The following USP39 variants were observed in gnomAD, a reference collection of about 807,000 sequenced individuals.
USP39 encodes the protein ubiquitin carboxyl-terminal hydrolase 39.
In USP39, 38 loss-of-function variants were observed where a neutral mutation model predicts 66.4. The ratio of observed to expected loss-of-function variants is 0.57; its 90% CI spans 0.44 to 0.75. The LOEUF is 0.75. Among genes scored for constraint, USP39 ranks in the 30% least tolerant of loss-of-function variants. The pLI is 0.00. For synonymous variants in USP39, 303 were observed against 274.6 expected (o/e 1.10, Z -1.02); for missense variants, 608 against 714.4 (o/e 0.85, Z 1.70).
rs1380872369 is a variant in USP39 at position 85,606,722 on chromosome 2, A to G, written n.226+3641A>G. The G allele has an allele frequency of 2.6e-5, 4 of 152,164 alleles. No individual in the cohort carries two copies. The East Asian group carries it at 7.7e-4, about 29-fold the overall frequency. The allele number at this position is 152,164 out of a possible 1,614,324, so 9.4% of individuals were successfully genotyped here. On this transcript the variant is annotated intron_variant and non_coding_transcript_variant, in intron 1 of 12. Transcript: ENST00000459775. ...CCCGGTCTTTGTGAGGATTACCACA[A>G]CAAACACTTAAAAGGATACAACAGG...
rs1305288756 is a variant in USP39, at chr2:85,648,006, C to T, written c.1640C>T (p.Ala547Val). 6.2e-7 allele frequency: 1 copy of T among 1,613,990 alleles called. No individual in the cohort carries two copies. Among genetic ancestry groups the T allele is most frequent in the Non-Finnish European group, 8.5e-7 (1 of 1,180,034 alleles). Residue 547 changes from alanine (A) to valine (V), a missense_variant, in exon 12 of 13, where the codon GCT (alanine) becomes GTT (valine). Ala to Val is a moderately conservative substitution (Grantham distance 64, BLOSUM62 0). Coordinates refer to ENST00000323701, the MANE Select transcript of USP39 (RefSeq NM_006590.4). ...CCCCAGATGATCACACTGTCAGAGG[C>T]TTACATTCAGGTGGGTTGGCCACAG... is the stretch of plus-strand genomic sequence containing the variant. Reference protein sequence around the residue: ...ILPQMITLSEAYIQIWKRRDN... With the variant: ...ILPQMITLSEVYIQIWKRRDN...
chr2:85,626,018 G>T (rs903552420), intron 5 of USP39, among the ~76,000 whole-genome samples: 1 of 141,858 alleles, frequency 7.0e-6, no homozygotes, highest in Non-Finnish European at 1.5e-5. Flanking sequence ...TCTGTTTCAA[G>T]AAAAAAAAAA....
chr2:85,609,694 T>G (rs1673380794), upstream of USP39: 2 of 1,423,820 alleles, frequency 1.4e-6, no homozygotes, highest in African/African-American at 2.9e-5. Context: ...CAGTCTTCTT[T>G]TTTTTGAGAC....
intron 10 of USP39, among the ~76,000 whole-genome samples, chr2:85,644,261 G>A (rs946044970): frequency 6.6e-5 from 10 of 152,124 alleles, no homozygotes; most frequent in Admixed American, 2.0e-4. Context: ...TAGCACATCA[G>A]ACAACTTTTA....
upstream of USP39, among the ~76,000 whole-genome samples, chr2:85,613,590 A>G (rs1311189480): frequency 6.6e-6 from 1 of 152,224 alleles, no homozygotes; most frequent in African/African-American, 2.4e-5. Context: ...CTGTAGCTCA[A>G]CAACATGGAT....
intron 8 of USP39, among the ~76,000 whole-genome samples, chr2:85,638,197 T>C (rs1407089371): frequency 1.3e-5 from 2 of 151,720 alleles, no homozygotes; most frequent in African/African-American, 4.8e-5. Context: ...AATTTTTCTA[T>C]TTTTAGTAGA....
upstream of USP39, chr2:85,609,704 C>T (rs1244366489): frequency 1.9e-5 from 26 of 1,333,696 alleles, no homozygotes; most frequent in Non-Finnish European, 2.3e-5. Context: ...TTTTTTGAGA[C>T]GAAGTCTCAC....
upstream of USP39, among the ~76,000 whole-genome samples, chr2:85,613,775 T>A (rs1046568372): frequency 2.0e-5 from 3 of 151,998 alleles, no homozygotes; most frequent in Non-Finnish European, 2.9e-5. Flanking sequence ...TCTTTAAATT[T>A]TTTTTTATTT....
At chr2:85,616,049 C>T (rs991710682), upstream of USP39, 2 of 1,291,822 alleles carry the variant, frequency 1.5e-6, no homozygotes, top group African/African-American at 1.5e-5. Context: ...AACAGCACCG[C>T]CCACAAATTT....
rs752588165 is a variant in USP39, at chr2:85,647,919, A to G, written c.1564-11A>G. 1 of 1,613,960 alleles carries G rather than the reference A, an allele frequency of 6.2e-7. No homozygotes were observed. Among genetic ancestry groups the G allele is most frequent in the Non-Finnish European group, 8.5e-7 (1 of 1,179,928 alleles). ...AGAGCAGACTAACCCAGCTCTTCATACTTTCTGCAGGGGACAGGCAAATGG... is the reference window on the plus strand; with the variant it reads ...AGAGCAGACTAACCCAGCTCTTCATGCTTTCTGCAGGGGACAGGCAAATGG... On this transcript the variant is annotated splice_polypyrimidine_tract_variant and intron_variant, in intron 11 of 12. Transcript: ENST00000323701.
intron 10 of USP39, among the ~76,000 whole-genome samples, 183 bp downstream of exon 10, chr2:85,641,301 G>A (rs1573445426): frequency 1.3e-5 from 2 of 152,336 alleles, no homozygotes; most frequent in African/African-American, 4.8e-5. Flanking sequence ...AAAGATTGAT[G>A]TTTATTGGGA....
At chr2:85,612,427 C>G (rs1673625760), upstream of USP39, 3 of 1,436,614 alleles carry the variant, frequency 2.1e-6, no homozygotes, top group Non-Finnish European at 9.5e-7. Flanking sequence ...GCTGCCACTT[C>G]TCAGTTTCCT....
At chr2:85,611,834 C>A, upstream of USP39, 3 of 1,605,788 alleles carry the variant, frequency 1.9e-6, no homozygotes, top group Non-Finnish European at 2.5e-6. Flanking sequence ...CGGGCCAGGC[C>A]AGGCCAGGAG....
chr2:85,630,336 A>G lies in USP39; in HGVS notation c.724-385A>G, dbSNP rs1469450343. 5.3e-5 allele frequency among the ~76,000 whole-genome samples: 8 copies of G among 152,236 alleles called. No individual in the cohort carries two copies. In the South Asian group the frequency reaches 1.4e-3, roughly 28 times the overall value. On this transcript the variant is annotated intron_variant, in intron 5 of 12. Transcript: ENST00000323701. ...ATTTTTGCTTCAACCAAAATGGATG[A>G]TGAAGGAAAGAGTATTTGGATTATA...
intron 5 of USP39, among the ~76,000 whole-genome samples, chr2:85,628,189 A>G (rs1172386737): frequency 6.6e-6 from 1 of 152,114 alleles, no homozygotes; most frequent in African/African-American, 2.4e-5. Flanking sequence ...TCTGTCACCC[A>G]GGCTGGAATG....
At chr2:85,616,521 C>T (rs1673970262) in intron 1 of USP39, 58 bp downstream of exon 1, 14 of 1,071,920 alleles carry the variant, frequency 1.3e-5, no homozygotes, top group Middle Eastern at 2.7e-4. Flanking sequence ...GTCCTTTTTT[C>T]TTGTCTCTAA....
At chr2:85,616,020 G>T (rs913969454), upstream of USP39, 60 of 1,248,284 alleles carry the variant, frequency 4.8e-5, no homozygotes, top group African/African-American at 8.2e-4. Flanking sequence ...GTTCTAAGGG[G>T]AGAGGAAGCC....
intron 1 of USP39, 95 bp downstream of exon 1, chr2:85,616,558 T>C (rs891975413): frequency 7.1e-6 from 8 of 1,130,948 alleles, no homozygotes; most frequent in Middle Eastern, 2.8e-4. Flanking sequence ...TGCGCCGGAG[T>C]TGGGGGAGGG....
chr2:85,632,931 G>T (rs376478446), intron 6 of USP39, among the ~76,000 whole-genome samples: 2 of 152,040 alleles, frequency 1.3e-5, no homozygotes, highest in Non-Finnish European at 2.9e-5. Context: ...GGCATTCTAG[G>T]TAGAGAGGAC....
Sources: gnomAD v4.1 joint callset for allele counts (sites outside exome capture counted in the v4.1 genomes callset) on GRCh38, gnomAD v4.1.1 for gene constraint, MANE v1.5 for transcripts, NCBI Gene and HGNC (gene_info 2026-07-23, HGNC 2026-07-21) for gene names.